CSMD1: variants seen among roughly 807,000 people sequenced by gnomAD.
CSMD1 encodes the protein CUB and Sushi multiple domains 1, also known as CUB and sushi domain-containing protein 1.
A neutral mutation model predicts 417.5 loss-of-function variants in CSMD1; 213 were observed. That is an observed-to-expected ratio of 0.51 (90% confidence interval 0.46 to 0.57). The LOEUF is 0.57. Ranked by LOEUF, CSMD1 falls within the 20% of genes least tolerant of loss-of-function variation. The probability of loss-of-function intolerance (pLI) is 0.00; values close to 1 mark genes in which losing one functional copy is unlikely to be tolerated. For synonymous variants in CSMD1, 2,862 were observed against 1,736.8 expected (o/e 1.65, Z -16.11); for missense variants, 6,923 against 4,529.7 (o/e 1.53, Z -15.17).
At chr8:4,474,643 G>T (rs1246776980) in intron 2 of CSMD1, among the ~76,000 whole-genome samples, 1 of 152,074 alleles carries the variant, frequency 6.6e-6, no homozygotes, top group Non-Finnish European at 1.5e-5. Context: ...AGGAATTACA[G>T]AGTAAACTCT....
At chr8:3,439,269 T>G (rs1248277255) in intron 12 of CSMD1, among the ~76,000 whole-genome samples, 1 of 113,292 alleles carries the variant, frequency 8.8e-6, no homozygotes, top group Non-Finnish European at 1.8e-5. Context: ...TTGAGAGCAT[T>G]TGGCAATGTC....
At chr8:3,219,200 TA>T in intron 29 of CSMD1, 54 bp downstream of exon 29, 2 of 1,427,734 alleles carry the variant, frequency 1.4e-6, no homozygotes, top group Non-Finnish European at 1.9e-6. Context: ...ATGCCTACAA[TA>T]AAAACAGTCC....
At chr8:4,187,855 G>C (rs1417047379) in intron 3 of CSMD1, among the ~76,000 whole-genome samples, 2 of 151,914 alleles carry the variant, frequency 1.3e-5, no homozygotes, top group Admixed American at 6.6e-5. Context: ...TTCATAGGCA[G>C]TTTTATACTT....
chr8:4,326,932 A>C (rs1799594553), intron 3 of CSMD1, among the ~76,000 whole-genome samples: 1 of 152,140 alleles, frequency 6.6e-6, no homozygotes, highest in South Asian at 2.1e-4. Flanking sequence ...CCATAATCTC[A>C]AGGAATGTCT....
intron 1 of CSMD1, among the ~76,000 whole-genome samples, chr8:4,696,106 A>G (rs1036592432): frequency 1.3e-5 from 2 of 152,188 alleles, no homozygotes; most frequent in African/African-American, 2.4e-5. Context: ...AGCCTTCAAC[A>G]AGGATAATGC....
intron 10 of CSMD1, among the ~76,000 whole-genome samples, chr8:3,574,659 G>C (rs1214978058): frequency 6.6e-6 from 1 of 152,184 alleles, no homozygotes; most frequent in African/African-American, 2.4e-5. Flanking sequence ...GATGAGACCT[G>C]AGTTGAAAAA....
intron 3 of CSMD1, among the ~76,000 whole-genome samples, chr8:4,149,115 C>G (rs1326531129): frequency 6.6e-6 from 1 of 152,008 alleles, no homozygotes; most frequent in African/African-American, 2.4e-5. Context: ...AGGCGTGTAC[C>G]ACCACACCCA....
intron 12 of CSMD1, among the ~76,000 whole-genome samples, chr8:3,463,264 C>T (rs1233377095): frequency 2.0e-5 from 3 of 152,180 alleles, no homozygotes; most frequent in Admixed American, 2.0e-4. Context: ...ACTCCCAATA[C>T]CTCCTGCTAC....
chr8:4,851,444 T>C (rs1801475749), intron 1 of CSMD1, among the ~76,000 whole-genome samples: 1 of 152,092 alleles, frequency 6.6e-6, no homozygotes, highest in African/African-American at 2.4e-5. Context: ...CTTAAATTCT[T>C]CCCTTGTCAA....
At chr8:4,064,423 T>C (rs890383274) in intron 3 of CSMD1, among the ~76,000 whole-genome samples, 1 of 152,222 alleles carries the variant, frequency 6.6e-6, no homozygotes, top group Non-Finnish European at 1.5e-5. Context: ...ATAAGTAAGC[T>C]TCTGCGGGCT....
At chr8:4,576,579 T>A (rs955019550) in intron 2 of CSMD1, among the ~76,000 whole-genome samples, 4 of 152,174 alleles carry the variant, frequency 2.6e-5, no homozygotes, top group African/African-American at 4.8e-5. Flanking sequence ...GGGTGTGGCG[T>A]TGGGTTATTG....
At chr8:3,604,404 G>T (rs976397468) in intron 8 of CSMD1, among the ~76,000 whole-genome samples, 31 of 152,016 alleles carry the variant, frequency 2.0e-4, no homozygotes, top group African/African-American at 7.0e-4. Flanking sequence ...ATTTTCTCTG[G>T]TCAGTATATA....
At chr8:4,071,189 T>C (rs1431318840) in intron 3 of CSMD1, among the ~76,000 whole-genome samples, 3 of 152,052 alleles carry the variant, frequency 2.0e-5, no homozygotes, top group Admixed American at 6.5e-5. Context: ...TCCCTTATTC[T>C]CCCTCTCTTT....
At chr8:3,240,231 G>C (rs918977812) in intron 26 of CSMD1, among the ~76,000 whole-genome samples, 23 of 152,068 alleles carry the variant, frequency 1.5e-4, no homozygotes, top group Non-Finnish European at 2.9e-4. Flanking sequence ...GAAAAAGGTT[G>C]GGATGAGACA....
intron 3 of CSMD1, among the ~76,000 whole-genome samples, chr8:4,313,923 A>C (rs1006299607): frequency 1.3e-5 from 2 of 152,038 alleles, no homozygotes; most frequent in Non-Finnish European, 2.9e-5. Context: ...CTGAGTCAGG[A>C]GAGTCACTTG....
At chr8:3,628,752 G>C (rs994089692) in intron 7 of CSMD1, among the ~76,000 whole-genome samples, 1 of 152,136 alleles carries the variant, frequency 6.6e-6, no homozygotes, top group African/African-American at 2.4e-5. Context: ...ATACGGAAAA[G>C]TGACCAGCGC....
chr8:3,849,531 C>A (rs1186387714), intron 5 of CSMD1, among the ~76,000 whole-genome samples: 1 of 152,122 alleles, frequency 6.6e-6, no homozygotes, highest in Admixed American at 6.5e-5. Flanking sequence ...GTTAGAATGA[C>A]GACTTCAGCA....
intron 7 of CSMD1, among the ~76,000 whole-genome samples, chr8:3,703,143 T>C (rs1800962633): frequency 6.6e-6 from 1 of 152,182 alleles, no homozygotes; most frequent in African/African-American, 2.4e-5. Context: ...TACAAGCTGG[T>C]GAAAAAGGAA....
chr8:3,721,924 T>G (rs891938447), intron 6 of CSMD1, among the ~76,000 whole-genome samples: 1 of 152,114 alleles, frequency 6.6e-6, no homozygotes, highest in African/African-American at 2.4e-5. Flanking sequence ...TACTGATGCA[T>G]CTACATGCCA....
Sources: allele counts gnomAD v4.1 joint callset (sites outside exome capture counted in the v4.1 genomes callset), GRCh38; gene constraint gnomAD v4.1.1; transcripts MANE v1.5; gene names NCBI Gene and HGNC (gene_info 2026-07-23, HGNC 2026-07-21).